Variants in COL4A2 observed in about 807,000 individuals in gnomAD.
COL4A2 encodes the protein collagen type IV alpha 2 chain.
Under a neutral mutation model 200.2 loss-of-function variants are expected in COL4A2, and 99 were observed. The observed-to-expected ratio is 0.49, with a 90% CI of 0.42 to 0.58. The LOEUF (loss-of-function observed/expected upper bound fraction) is 0.58, where lower values mean the gene tolerates loss of function less well. COL4A2 is among the 20% of genes least tolerant of loss of function. The pLI is 0.00. For missense variants in COL4A2, 1,950 were observed against 2,314.1 expected (o/e 0.84, Z 3.23); for synonymous variants, 897 against 900.6 (o/e 1.00, Z 0.07).
chr13:110,480,511 G>A (rs759867394), intron 31 of COL4A2, 121 bp downstream of exon 31: 4 of 1,062,362 alleles, frequency 3.8e-6, no homozygotes, highest in East Asian at 2.7e-5. Flanking sequence ...CACTTCTGCA[G>A]ATTGGAGGCC....
intron 7 of COL4A2, 77 bp from the exon 8 acceptor site, chr13:110,429,808 C>G: frequency 6.9e-7 from 1 of 1,439,130 alleles, no homozygotes; most frequent in Non-Finnish European, 9.7e-7. Context: ...TTCAGTCATC[C>G]ACATTACCAT....
chr13:110,367,089 G>A (rs1039493947), intron 4 of COL4A2, among the ~76,000 whole-genome samples: 2 of 152,192 alleles, frequency 1.3e-5, no homozygotes, highest in Admixed American at 6.5e-5. Flanking sequence ...GAGAATGGCA[G>A]CAGCCAGACA....
At chr13:110,351,219 TTTTG>T (rs58217892) in intron 3 of COL4A2, among the ~76,000 whole-genome samples, 2 of 149,914 alleles carry the variant, frequency 1.3e-5, no homozygotes, top group African/African-American at 4.9e-5. Flanking sequence ...CAGCTATTCT[TTTTG>T]TTTGTTTGTT....
intron 22 of COL4A2, among the ~76,000 whole-genome samples, chr13:110,460,599 T>G (rs1291212673): frequency 8.5e-5 from 13 of 152,224 alleles, no homozygotes; most frequent in Admixed American, 8.5e-4. Context: ...CCACAGAACT[T>G]TTGTTCACAC....
At chr13:110,477,912 C>A in intron 29 of COL4A2, 91 bp from the exon 30 acceptor site, 2 of 1,258,500 alleles carry the variant, frequency 1.6e-6, no homozygotes, top group South Asian at 2.6e-5. Context: ...ATGAATTGCT[C>A]TTTTTACAGA....
At chr13:110,387,980 C>T (rs1029299167) in intron 4 of COL4A2, among the ~76,000 whole-genome samples, 2 of 152,202 alleles carry the variant, frequency 1.3e-5, no homozygotes, top group East Asian at 3.8e-4. Context: ...AGTCCAAACA[C>T]GTGTGCCTCG....
At position 110,508,644 on chromosome 13, in the gene COL4A2, C is replaced by G. The variant is rs986461001; in HGVS notation, c.4881+423C>G. Among the ~76,000 whole-genome samples, 3 of 152,188 alleles carry G rather than the reference C, an allele frequency of 2.0e-5. No individual in the cohort carries two copies. The highest frequency in any genetic ancestry group is 7.2e-5 in the African/African-American group (3 of 41,448). On this transcript the variant is annotated intron_variant, in intron 47 of 47. Transcript: ENST00000360467. The surrounding 1 kb of genome is among the most constrained non-coding windows in gnomAD (Gnocchi z 6.1). ...AATACCCTGAAGAAATACCTATTAA[C>G]TGGCTGGCTTAAAATGGATATATAT... is the stretch of plus-strand genomic sequence containing the variant.
In COL4A2 at chr13:110,452,725, G is replaced by T. The variant is rs150506042; in HGVS notation, c.1339+2271G>T. ...AGATATTTCCCTGGATCATGAACCT[G>T]CCAAAGAGTCTGAGCAGTGTGAACT... On this transcript the variant is annotated intron_variant, in intron 20 of 47. Transcript: ENST00000360467. Among the ~76,000 whole-genome samples, 14 of 152,192 alleles carry T rather than the reference G, an allele frequency of 9.2e-5. No homozygotes were observed. The East Asian group carries it at 2.7e-3, about 29-fold the overall frequency.
At chr13:110,316,417 G>T (rs1030778410) in intron 3 of COL4A2, among the ~76,000 whole-genome samples, 1 of 152,068 alleles carries the variant, frequency 6.6e-6, no homozygotes, top group Non-Finnish European at 1.5e-5. Flanking sequence ...AAACTGTGTC[G>T]GGAAGGAGCA....
At chr13:110,450,012 C>T (rs1269903834) in intron 19 of COL4A2, among the ~76,000 whole-genome samples, 1 of 152,174 alleles carries the variant, frequency 6.6e-6, no homozygotes, top group Non-Finnish European at 1.5e-5. Flanking sequence ...GATGGTGCCA[C>T]GATGGGTAAC....
intron 4 of COL4A2, among the ~76,000 whole-genome samples, chr13:110,374,144 C>G (rs1878136484): frequency 6.6e-6 from 1 of 152,058 alleles, no homozygotes; most frequent in Non-Finnish European, 1.5e-5. Context: ...GTCATGATAC[C>G]CAGCATTGAT....
intron 21 of COL4A2, 59 bp from the exon 22 acceptor site, chr13:110,458,712 C>G (rs1881880498): frequency 3.1e-6 from 5 of 1,606,144 alleles, no homozygotes; most frequent in Middle Eastern, 3.3e-4. Flanking sequence ...TGATACCCCT[C>G]TCCCCGCCAC....
At chr13:110,493,423 C>T (rs891149819) in intron 39 of COL4A2, 141 bp downstream of exon 39, 42 of 808,716 alleles carry the variant, frequency 5.2e-5, no homozygotes, top group East Asian at 2.7e-4. Flanking sequence ...TGCGATCGGC[C>T]GTGAGGGGCG....
chr13:110,307,368 C>A lies in COL4A2; in HGVS notation c.-205C>A. On this transcript the variant is annotated 5_prime_UTR_variant, in exon 1 of 48. Coordinates refer to ENST00000360467, the MANE Select transcript of COL4A2 (RefSeq NM_001846.4). This position sits in a 1 kb window ranked among gnomAD's most constrained non-coding sequence, Gnocchi z 5.0. ...CGCGTCCCAACCCCTCGCGCCCGCGCGTTCGCGGATCCAGGCCGAGGACCG... is the reference window on the plus strand; with the variant it reads ...CGCGTCCCAACCCCTCGCGCCCGCGAGTTCGCGGATCCAGGCCGAGGACCG... 4.0e-6 allele frequency: 1 copy of A among 248,200 alleles called. No individual in the cohort carries two copies. Among genetic ancestry groups the A allele is most frequent in the East Asian group, 7.8e-5 (1 of 12,820 alleles). The allele number at this position is 248,200 out of a possible 1,614,324, so 15.4% of individuals were successfully genotyped here. A position where few individuals can be genotyped will look rare whatever the true frequency, so the allele number is the denominator to read the frequency against.
chr13:110,476,232 CT>C, intron 29 of COL4A2, among the ~76,000 whole-genome samples: 1 of 152,228 alleles, frequency 6.6e-6, no homozygotes, highest in East Asian at 1.9e-4. Flanking sequence ...GCTGCGAATC[CT>C]TTACAGCCTG....
chr13:110,392,114 A>G (rs1254866728), intron 4 of COL4A2, among the ~76,000 whole-genome samples: 1 of 152,216 alleles, frequency 6.6e-6, no homozygotes, highest in East Asian at 1.9e-4. Context: ...TTCTAGGAAA[A>G]AAGAGGAGTT....
intron 3 of COL4A2, among the ~76,000 whole-genome samples, chr13:110,328,122 C>T (rs919327166): frequency 1.3e-5 from 2 of 152,162 alleles, no homozygotes; most frequent in African/African-American, 4.8e-5. Context: ...AAAAGTTGAT[C>T]AGGAATATAA....
At chr13:110,348,608 A>G (rs966369703) in intron 3 of COL4A2, among the ~76,000 whole-genome samples, 4 of 152,180 alleles carry the variant, frequency 2.6e-5, no homozygotes, top group African/African-American at 9.7e-5. Flanking sequence ...TAGTAATTCT[A>G]AAAGTCCAGC....
At chr13:110,349,638 T>A (rs1189387336) in intron 3 of COL4A2, among the ~76,000 whole-genome samples, 3 of 152,228 alleles carry the variant, frequency 2.0e-5, no homozygotes, top group Non-Finnish European at 4.4e-5. Context: ...CTGGTTTTCC[T>A]TAAAGGGTTC....
Sources: gnomAD v4.1 joint callset for allele counts (sites outside exome capture counted in the v4.1 genomes callset) on GRCh38, gnomAD v4.1.1 for gene constraint, Gnocchi (gnomAD v3.1) non-coding constraint, MANE v1.5 for transcripts, NCBI Gene and HGNC (gene_info 2026-07-23, HGNC 2026-07-21) for gene names.